The following MAGI2 variants were observed in gnomAD, a reference collection of about 807,000 sequenced individuals.
The protein encoded by MAGI2 is membrane associated guanylate kinase, WW and PDZ domain containing 2.
A neutral mutation model predicts 133.3 loss-of-function variants in MAGI2; 35 were observed. The observed-to-expected ratio is 0.26, with a 90% CI of 0.20 to 0.35. The LOEUF is 0.35. MAGI2 is among the 10% of genes least tolerant of loss of function. The pLI, the probability that MAGI2 is intolerant of heterozygous loss-of-function variation, is 1.00. For synonymous variants in MAGI2, 729 were observed against 710.6 expected, an observed-to-expected ratio of 1.03 and a Z score of -0.41; for missense variants, 1,636 against 1,863.4, an observed-to-expected ratio of 0.88 and a Z score of 2.25.
chr7:79,444,556 A>G (rs1188849119), intron 1 of MAGI2, among the ~76,000 whole-genome samples: 1 of 152,130 alleles, frequency 6.6e-6, no homozygotes, highest in East Asian at 1.9e-4. Flanking sequence ...GTGAACTCCC[A>G]TTCACAATTG....
At chr7:78,256,635 T>C (rs576635055) in intron 9 of MAGI2, 54 bp from the exon 10 acceptor site, 9 of 1,425,266 alleles carry the variant, frequency 6.3e-6, no homozygotes, top group South Asian at 1.2e-5. Flanking sequence ...AACATTGACA[T>C]AGAGAAATGG....
At chr7:78,792,818 A>G (rs1216151267) in intron 2 of MAGI2, among the ~76,000 whole-genome samples, 2 of 152,250 alleles carry the variant, frequency 1.3e-5, no homozygotes, top group Non-Finnish European at 2.9e-5. Flanking sequence ...AGGCATGAAT[A>G]ACAAAGCAGA....
chr7:79,440,134 C>T (rs1848401354), intron 1 of MAGI2, among the ~76,000 whole-genome samples: 1 of 151,634 alleles, frequency 6.6e-6, no homozygotes, highest in Non-Finnish European at 1.5e-5. Flanking sequence ...GATCCCCTGG[C>T]TTTTCCTCAA....
chr7:78,626,307 C>A (rs1025194616), intron 3 of MAGI2, among the ~76,000 whole-genome samples: 2 of 152,016 alleles, frequency 1.3e-5, no homozygotes, highest in African/African-American at 4.8e-5. Flanking sequence ...TAGATATAAA[C>A]TAGATGCATA....
intron 9 of MAGI2, among the ~76,000 whole-genome samples, chr7:78,284,460 TTTTTTA>T (rs955462709): frequency 3.3e-5 from 5 of 151,496 alleles, no homozygotes; most frequent in Admixed American, 2.6e-4. Context: ...CTTTTTTTTT[TTTTTTA>T]AAATAAGAAT....
intron 2 of MAGI2, among the ~76,000 whole-genome samples, chr7:78,878,762 G>A (rs930669471): frequency 1.3e-5 from 2 of 152,212 alleles, no homozygotes; most frequent in Non-Finnish European, 2.9e-5. Flanking sequence ...AAATCGTGGT[G>A]CAGTGGGGCC....
At chr7:79,432,581 A>C (rs1301709187) in intron 1 of MAGI2, among the ~76,000 whole-genome samples, 1 of 152,194 alleles carries the variant, frequency 6.6e-6, no homozygotes, top group Non-Finnish European at 1.5e-5. Context: ...GGGATGCCTG[A>C]GGTTTTCCTT....
At chr7:79,269,534 C>A (rs1834721503) in intron 1 of MAGI2, among the ~76,000 whole-genome samples, 1 of 152,084 alleles carries the variant, frequency 6.6e-6, no homozygotes, top group Non-Finnish European at 1.5e-5. Flanking sequence ...GGCTTATCAC[C>A]TTTTCAAAAT....
At chr7:79,176,481 C>G (rs149538154) in intron 1 of MAGI2, among the ~76,000 whole-genome samples, 20 of 152,168 alleles carry the variant, frequency 1.3e-4, no homozygotes, top group African/African-American at 4.3e-4. Context: ...AACTCCATCT[C>G]AGAATGAGAA....
chr7:78,471,065 C>T (rs552966615), intron 6 of MAGI2, among the ~76,000 whole-genome samples: 1 of 152,076 alleles, frequency 6.6e-6, no homozygotes, highest in African/African-American at 2.4e-5. Context: ...TTTCTCATGG[C>T]CAAAGTAAGC....
intron 1 of MAGI2, among the ~76,000 whole-genome samples, chr7:79,131,728 C>T (rs528440396): frequency 6.6e-6 from 1 of 152,114 alleles, no homozygotes; most frequent in Non-Finnish European, 1.5e-5. Flanking sequence ...AGTATTGTAG[C>T]ATGTCTTTCG....
chr7:78,085,557 CA>C (rs1563101909), intron 20 of MAGI2, among the ~76,000 whole-genome samples: 2 of 137,222 alleles, frequency 1.5e-5, no homozygotes, highest in African/African-American at 6.5e-5. Flanking sequence ...CTCCCACACA[CA>C]CACACACACA....
Position 79,401,536 on chromosome 7 carries a change from T to C in MAGI2, c.301+51484A>G, listed in dbSNP as rs568509446. On this transcript the variant is annotated intron_variant, in intron 1 of 21. Coordinates refer to ENST00000354212, the MANE Select transcript of MAGI2 (RefSeq NM_012301.4). The stretch of plus-strand genomic sequence containing the variant: ...TTAATTAAGTTGGAAAAAAGGCACA[T>C]GCCCTCAGTCTTTTGAAGTTGGTTG... Among the ~76,000 whole-genome samples the C allele has an allele frequency of 1.1e-4, 17 of 152,324 alleles. No individual in the cohort carries two copies. The South Asian group carries it at 2.5e-3, about 22-fold the overall frequency.
At chr7:78,469,912 C>T (rs1791019647) in intron 6 of MAGI2, among the ~76,000 whole-genome samples, 3 of 152,212 alleles carry the variant, frequency 2.0e-5, no homozygotes, top group South Asian at 2.1e-4. Flanking sequence ...CCATGTCTAC[C>T]CAGTGCCTAG....
At chr7:78,273,452 C>T (rs1299464554) in intron 9 of MAGI2, among the ~76,000 whole-genome samples, 1 of 152,082 alleles carries the variant, frequency 6.6e-6, no homozygotes, top group Non-Finnish European at 1.5e-5. Flanking sequence ...TTGTGGTGTT[C>T]TCTGAATTTC....
intron 10 of MAGI2, among the ~76,000 whole-genome samples, chr7:78,248,403 T>G (rs1319272196): frequency 6.6e-6 from 1 of 152,160 alleles, no homozygotes; most frequent in Non-Finnish European, 1.5e-5. Context: ...AAAACATCAG[T>G]AGTAAGTCCT....
intron 10 of MAGI2, among the ~76,000 whole-genome samples, chr7:78,240,136 C>T (rs1200603072): frequency 1.3e-5 from 2 of 152,194 alleles, no homozygotes; most frequent in African/African-American, 2.4e-5. Context: ...CTCCTTCAGC[C>T]TCCTGCCCCC....
In MAGI2 at chr7:79,401,385, T is replaced by G. The variant is rs117568894; in HGVS notation, c.301+51635A>C. Among the ~76,000 whole-genome samples, 799 of 152,310 alleles carry G rather than the reference T, an allele frequency of 5.2e-3. 6 individuals are homozygous for G. The highest frequency in any genetic ancestry group is 9.6e-3 in the Non-Finnish European group (653 of 68,028). ...TATGCTGTTTCTCTCATTCTGGCAA[T>G]ATCAGTTTTCAGGCAGGAGATAGAA... On this transcript the variant is annotated intron_variant, in intron 1 of 21. Coordinates refer to ENST00000354212, the MANE Select transcript of MAGI2 (RefSeq NM_012301.4).
At chr7:79,315,696 G>A (rs1035819754) in intron 1 of MAGI2, among the ~76,000 whole-genome samples, 1 of 152,092 alleles carries the variant, frequency 6.6e-6, no homozygotes, top group Non-Finnish European at 1.5e-5. Flanking sequence ...GGCTGGGGGA[G>A]GGAAAGGAGA....
Sources: gnomAD v4.1 joint callset for allele counts (sites outside exome capture counted in the v4.1 genomes callset) on GRCh38, gnomAD v4.1.1 for gene constraint, MANE v1.5 for transcripts, NCBI Gene and HGNC (gene_info 2026-07-23, HGNC 2026-07-21) for gene names.